The following NPAS3 variants were observed in gnomAD, a reference collection of about 807,000 sequenced individuals.
NPAS3 encodes neuronal PAS domain-containing protein 3.
A neutral mutation model predicts 73.1 loss-of-function variants in NPAS3; 14 were observed. The observed-to-expected ratio is 0.19, with a 90% CI of 0.13 to 0.30. NPAS3 has a LOEUF of 0.30. NPAS3 is among the 10% of genes least tolerant of loss of function. The pLI is 1.00. For synonymous variants in NPAS3, 620 were observed against 541.5 expected, an observed-to-expected ratio of 1.14 and a Z score of -2.01; for missense variants, 1,096 against 1,250.0, an observed-to-expected ratio of 0.88 and a Z score of 1.86.
At chr14:33,358,672 A>G (rs547101476) in intron 3 of NPAS3, among the ~76,000 whole-genome samples, 104 of 152,340 alleles carry the variant, frequency 6.8e-4, no homozygotes, top group African/African-American at 2.4e-3. Flanking sequence ...TCAGTATCCC[A>G]GTAGACTCTG....
At chr14:33,367,131 T>A in intron 3 of NPAS3, 55 bp from the exon 4 acceptor site, 5 of 765,606 alleles carry the variant, frequency 6.5e-6, no homozygotes, top group Non-Finnish European at 1.1e-5. Flanking sequence ...GCTGAAGATA[T>A]GAATCAGAGC....
intron 8 of NPAS3, 99 bp from the exon 9 acceptor site, chr14:33,778,367 G>A (rs2062883316): frequency 2.4e-6 from 2 of 830,600 alleles, no homozygotes; most frequent in Non-Finnish European, 4.0e-6. Context: ...GGGTACAGTA[G>A]TATAATGAAA....
At chr14:33,615,422 G>T (rs930471805) in intron 5 of NPAS3, among the ~76,000 whole-genome samples, 13 of 152,126 alleles carry the variant, frequency 8.5e-5, no homozygotes, top group Non-Finnish European at 1.6e-4. Context: ...CAAGGGCAGT[G>T]GGCTTGGAAA....
intron 2 of NPAS3, among the ~76,000 whole-genome samples, chr14:33,158,525 T>C (rs926487082): frequency 9.2e-5 from 14 of 152,032 alleles, no homozygotes; most frequent in Admixed American, 3.9e-4. Context: ...GAACTAAAGG[T>C]GGCAGAAGTA....
chr14:33,358,945 T>G (rs2045467458), intron 3 of NPAS3, among the ~76,000 whole-genome samples: 1 of 151,504 alleles, frequency 6.6e-6, no homozygotes, highest in South Asian at 2.1e-4. Context: ...CTTTGGAAAT[T>G]TATCAGAGTG....
At chr14:33,272,818 T>C (rs982374285) in intron 3 of NPAS3, among the ~76,000 whole-genome samples, 38 of 152,196 alleles carry the variant, frequency 2.5e-4, no homozygotes, top group African/African-American at 9.2e-4. Flanking sequence ...GCAGTTACTT[T>C]GGGAGAAACA....
At chr14:33,395,346 G>A (rs915108182) in intron 4 of NPAS3, among the ~76,000 whole-genome samples, 1 of 151,788 alleles carries the variant, frequency 6.6e-6, no homozygotes, top group East Asian at 1.9e-4. Context: ...TTAATTTTGA[G>A]GGTGTTTATC....
At chr14:33,018,348 A>G (rs373307570) in intron 1 of NPAS3, among the ~76,000 whole-genome samples, 3 of 152,236 alleles carry the variant, frequency 2.0e-5, no homozygotes, top group South Asian at 2.1e-4. Context: ...TGACCTTTAC[A>G]TTTTTGCTGA....
At chr14:33,801,277 G>C, downstream of NPAS3, 1 of 1,356,138 alleles carries the variant, frequency 7.4e-7, no homozygotes, top group Non-Finnish European at 9.7e-7. Flanking sequence ...TTATTCTTTC[G>C]TGTAAAGATA....
intron 4 of NPAS3, among the ~76,000 whole-genome samples, chr14:33,498,828 G>A (rs2052351621): frequency 6.6e-6 from 1 of 151,840 alleles, no homozygotes; most frequent in Non-Finnish European, 1.5e-5. Context: ...AGAACTTAAA[G>A]TATAATTTTA....
chr14:32,985,348 C>T (rs2038055504), intron 1 of NPAS3, among the ~76,000 whole-genome samples: 3 of 152,082 alleles, frequency 2.0e-5, no homozygotes, highest in Non-Finnish European at 2.9e-5. Context: ...TTTGAAAAGT[C>T]AGAAATCTAT....
intron 3 of NPAS3, among the ~76,000 whole-genome samples, chr14:33,317,138 C>T (rs1240985908): frequency 6.6e-6 from 1 of 152,030 alleles, no homozygotes; most frequent in African/African-American, 2.4e-5. Flanking sequence ...GGGAGCCTAG[C>T]TTTCCCTTTT....
At chr14:33,717,088 G>A (rs2060976673) in intron 6 of NPAS3, among the ~76,000 whole-genome samples, 1 of 150,982 alleles carries the variant, frequency 6.6e-6, no homozygotes, top group Admixed American at 6.7e-5. Context: ...AGAGGGAATG[G>A]GAGTTGATGT....
intron 2 of NPAS3, among the ~76,000 whole-genome samples, chr14:33,211,024 G>A (rs560672578): frequency 2.0e-5 from 3 of 152,308 alleles, no homozygotes; most frequent in Non-Finnish European, 1.5e-5. Flanking sequence ...AACAATCAAT[G>A]TGAAGTGAGC....
At chr14:33,691,814 C>A (rs2060243774) in intron 6 of NPAS3, among the ~76,000 whole-genome samples, 1 of 152,252 alleles carries the variant, frequency 6.6e-6, no homozygotes, top group East Asian at 1.9e-4. Flanking sequence ...CCCTCAACCC[C>A]CAACTGGGGC....
At chr14:33,748,576 G>A (rs1024525117) in intron 7 of NPAS3, among the ~76,000 whole-genome samples, 1 of 152,294 alleles carries the variant, frequency 6.6e-6, no homozygotes, top group East Asian at 1.9e-4. Context: ...GAAAAACAGA[G>A]TGCCTTAATA....
chr14:33,070,587 T>C (rs2041451199), intron 2 of NPAS3, among the ~76,000 whole-genome samples: 1 of 152,178 alleles, frequency 6.6e-6, no homozygotes, highest in South Asian at 2.1e-4. Flanking sequence ...TTGATTAACT[T>C]TGTGGATCAT....
chr14:33,248,730 G>A (rs1002048346), intron 3 of NPAS3, among the ~76,000 whole-genome samples: 6 of 152,160 alleles, frequency 3.9e-5, no homozygotes, highest in Non-Finnish European at 1.5e-5. Flanking sequence ...CATAATGATA[G>A]CTTTGACCTT....
chr14:33,534,156 AAATT>A (rs1405984723), intron 4 of NPAS3, among the ~76,000 whole-genome samples: 1 of 151,812 alleles, frequency 6.6e-6, no homozygotes, highest in African/African-American at 2.4e-5. Context: ...CAGTGTAACC[AAATT>A]AATAAGAAGA....
Sources: allele counts gnomAD v4.1 joint callset (sites outside exome capture counted in the v4.1 genomes callset), GRCh38; gene constraint gnomAD v4.1.1; transcripts MANE v1.5; gene names NCBI Gene and HGNC (gene_info 2026-07-23, HGNC 2026-07-21).